RANBP2: variants seen among roughly 807,000 people sequenced by gnomAD.
The protein encoded by RANBP2 is RAN binding protein 2.
Under a neutral mutation model 303.6 loss-of-function variants are expected in RANBP2, and 57 were observed. That is an observed-to-expected ratio of 0.19 (90% CI 0.15 to 0.23). The LOEUF (loss-of-function observed/expected upper bound fraction) is 0.23. Among genes scored for constraint, RANBP2 ranks in the 10% least tolerant of loss-of-function variants. The probability of loss-of-function intolerance (pLI) is 1.00; values close to 1 mark genes in which losing one functional copy is unlikely to be tolerated. For synonymous variants in RANBP2, 1,167 were observed against 1,301.5 expected, an observed-to-expected ratio of 0.90 and a Z score of 2.23; for missense variants, 3,138 against 3,780.8, an observed-to-expected ratio of 0.83 and a Z score of 4.46.
At chr2:109,679,422 T>C in the RANBP2 span, among the ~76,000 whole-genome samples, 1 of 152,198 alleles carries the variant, frequency 6.6e-6, no homozygotes, top group African/African-American at 2.4e-5. Flanking sequence ...ATCACTATAT[T>C]ATGTATGTAT....
chr2:109,359,123 A>G, the RANBP2 span, among the ~76,000 whole-genome samples: 1 of 152,092 alleles, frequency 6.6e-6, no homozygotes, highest in African/African-American at 2.4e-5. Flanking sequence ...GCTCTCTTCC[A>G]TTCCATTGAT....
the RANBP2 span, among the ~76,000 whole-genome samples, chr2:109,471,456 A>G: frequency 6.6e-6 from 1 of 152,152 alleles, no homozygotes; most frequent in Non-Finnish European, 1.5e-5. Context: ...CAAGAACAGC[A>G]TGGGAGAAAC....
chr2:109,343,169 T>A, the RANBP2 span, among the ~76,000 whole-genome samples: 1 of 152,040 alleles, frequency 6.6e-6, no homozygotes, highest in African/African-American at 2.4e-5. Flanking sequence ...TCAGCAGAAG[T>A]CTTTTCTCCC....
At chr2:109,113,119 C>T in the RANBP2 span, among the ~76,000 whole-genome samples, 111 of 151,928 alleles carry the variant, frequency 7.3e-4, no homozygotes, top group East Asian at 0.013. Context: ...CAATGCGGGC[C>T]CTTTTTTGGT....
chr2:109,224,250 A>G, the RANBP2 span, among the ~76,000 whole-genome samples: 1 of 152,226 alleles, frequency 6.6e-6, no homozygotes, highest in Non-Finnish European at 1.5e-5. Context: ...TATCAAAATT[A>G]GGTTTTTACC....
the RANBP2 span, among the ~76,000 whole-genome samples, chr2:108,811,247 C>CTCTTTTTT: frequency 9.8e-4 from 111 of 112,842 alleles, no homozygotes; most frequent in South Asian, 2.4e-3. Context: ...TTCTCTCTCT[C>CTCTTTTTT]TTTTTTTTTT....
chr2:109,331,135 G>A, the RANBP2 span, among the ~76,000 whole-genome samples: 2 of 152,156 alleles, frequency 1.3e-5, no homozygotes, highest in Non-Finnish European at 2.9e-5. Flanking sequence ...ACTCAAAAGC[G>A]GTTTCATTCT....
At chr2:108,917,607 C>T in the RANBP2 span, among the ~76,000 whole-genome samples, 4 of 152,254 alleles carry the variant, frequency 2.6e-5, no homozygotes, top group East Asian at 7.7e-4. Flanking sequence ...AATTCAGTGC[C>T]TCTGCCCCCG....
the RANBP2 span, among the ~76,000 whole-genome samples, chr2:108,808,209 GTTATA>G: frequency 6.6e-6 from 1 of 152,158 alleles, no homozygotes; most frequent in South Asian, 2.1e-4. Context: ...AGAAAATGTG[GTTATA>G]AAGAAAATGT....
At chr2:109,456,919 G>A in the RANBP2 span, among the ~76,000 whole-genome samples, 3 of 152,222 alleles carry the variant, frequency 2.0e-5, no homozygotes, top group Non-Finnish European at 2.9e-5. Context: ...TGGCAGGGAC[G>A]AGGGAAGGAG....
At chr2:109,273,075 T>C in the RANBP2 span, among the ~76,000 whole-genome samples, 2 of 152,232 alleles carry the variant, frequency 1.3e-5, no homozygotes, top group Admixed American at 1.3e-4. Context: ...AGAAGTTGTT[T>C]ACTGAGTATT....
At position 108,764,184 on chromosome 2, in the gene RANBP2, G is replaced by T; in HGVS notation, c.3645G>T (p.Gly1215=). The change falls in exon 20 of 29, where the codon GGG becomes GGT. Residue 1215 remains glycine, a synonymous_variant. Coordinates refer to ENST00000283195, the MANE Select transcript of RANBP2 (RefSeq NM_006267.5). ...AATCCAAAGAATGGAAAGAACGTGG[G>T]ATTGGCAATGTAAAAATACTGAGGC... The part of the protein sequence containing the change: ...DVESKEWKER[G]IGNVKILRHK... 5 of 1,614,040 alleles carry T rather than the reference G, an allele frequency of 3.1e-6. No individual in the cohort carries two copies. Among genetic ancestry groups the T allele is most frequent in the Non-Finnish European group, 4.2e-6 (5 of 1,179,978 alleles).
At chr2:109,421,153 G>T in the RANBP2 span, among the ~76,000 whole-genome samples, 1 of 152,176 alleles carries the variant, frequency 6.6e-6, no homozygotes, top group Non-Finnish European at 1.5e-5. Context: ...TTGAAGAATT[G>T]GATGCAGGAT....
the RANBP2 span, among the ~76,000 whole-genome samples, chr2:109,534,026 G>A: frequency 5.9e-5 from 9 of 152,104 alleles, no homozygotes; most frequent in Non-Finnish European, 1.3e-4. Context: ...GCGGGTGAGC[G>A]GCCTCATACC....
the RANBP2 span, among the ~76,000 whole-genome samples, chr2:109,523,707 C>A: frequency 6.6e-6 from 1 of 152,150 alleles, no homozygotes; most frequent in Admixed American, 6.5e-5. Context: ...TATCTGCCCA[C>A]CCCCAGCCCC....
chr2:109,365,562 T>C, the RANBP2 span, among the ~76,000 whole-genome samples: 14 of 152,202 alleles, frequency 9.2e-5, no homozygotes, highest in African/African-American at 3.4e-4. Flanking sequence ...GCTTCTTACG[T>C]TCTAGACTGG....
At chr2:108,786,688 C>A, downstream of RANBP2, 2 of 819,402 alleles carry the variant, frequency 2.4e-6, no homozygotes, top group Non-Finnish European at 4.0e-6. Context: ...CGGGTCGCCC[C>A]GCCCCGCCCT....
the RANBP2 span, among the ~76,000 whole-genome samples, chr2:109,189,261 G>A: frequency 6.6e-6 from 1 of 152,024 alleles, no homozygotes; most frequent in Admixed American, 6.5e-5. Context: ...GGCCAAGCTT[G>A]ATCTGGAGTT....
At chr2:108,902,381 C>CA in the RANBP2 span, among the ~76,000 whole-genome samples, 1 of 151,794 alleles carries the variant, frequency 6.6e-6, no homozygotes, top group Admixed American at 6.6e-5. Flanking sequence ...ATCTCAAAAA[C>CA]AAAACAAAAC....
Sources: allele counts gnomAD v4.1 joint callset (sites outside exome capture counted in the v4.1 genomes callset), GRCh38; gene constraint gnomAD v4.1.1; transcripts MANE v1.5; gene names NCBI Gene and HGNC (gene_info 2026-07-23, HGNC 2026-07-21).